Variants in ADAM12 observed in about 807,000 individuals in gnomAD.
The protein encoded by ADAM12 is ADAM metallopeptidase domain 12.
ADAM12 carries 70 observed loss-of-function variants against 106.4 expected under a neutral mutation model. The observed-to-expected ratio is 0.66, with a 90% confidence interval of 0.54 to 0.80. ADAM12 has a LOEUF of 0.80. Among genes scored for constraint, ADAM12 ranks in the 30% least tolerant of loss-of-function variants. The pLI is 0.00. For synonymous variants in ADAM12, 420 were observed against 433.5 expected, an observed-to-expected ratio of 0.97 and a Z score of 0.39; for missense variants, 1,010 against 1,171.9, an observed-to-expected ratio of 0.86 and a Z score of 2.02.
At chr10:126,330,297 A>AATGGAAGT (rs1209212950) in intron 2 of ADAM12, 115 bp downstream of exon 2, 6 of 877,310 alleles carry the variant, frequency 6.8e-6, no homozygotes, top group Non-Finnish European at 8.7e-6. Context: ...TTCTCTAAGG[A>AATGGAAGT]TAGAGTTAGC....
chr10:126,300,197 G>A (rs1960559798), intron 2 of ADAM12, among the ~76,000 whole-genome samples: 1 of 152,100 alleles, frequency 6.6e-6, no homozygotes, highest in South Asian at 2.1e-4. Context: ...CTGTCCTCTT[G>A]CCCTGGCCAA....
At chr10:126,295,537 A>ACACACACACATACACG (rs1221330442) in intron 2 of ADAM12, among the ~76,000 whole-genome samples, 5 of 148,762 alleles carry the variant, frequency 3.4e-5, no homozygotes, top group Non-Finnish European at 7.4e-5. Context: ...AAAAATACAC[A>ACACACACACATACACG]CACACACACA....
At chr10:126,165,102 C>T (rs1383795048) in intron 3 of ADAM12, among the ~76,000 whole-genome samples, 1 of 152,144 alleles carries the variant, frequency 6.6e-6, no homozygotes, top group Non-Finnish European at 1.5e-5. Context: ...ATGCCTTGCC[C>T]TCATCATCTT....
At chr10:126,372,945 G>A (rs1856160831) in intron 1 of ADAM12, among the ~76,000 whole-genome samples, 1 of 152,164 alleles carries the variant, frequency 6.6e-6, no homozygotes, top group Admixed American at 6.5e-5. Flanking sequence ...TATGCTCCAA[G>A]GAGCAGACTC....
chr10:126,356,554 C>T (rs1855549060), intron 1 of ADAM12, among the ~76,000 whole-genome samples: 1 of 152,126 alleles, frequency 6.6e-6, no homozygotes, highest in Non-Finnish European at 1.5e-5. Context: ...CCCAAATGCG[C>T]AAAAACCAGT....
chr10:126,126,118 C>G (rs1300546144), intron 5 of ADAM12, among the ~76,000 whole-genome samples: 1 of 152,168 alleles, frequency 6.6e-6, no homozygotes, highest in Non-Finnish European at 1.5e-5. Flanking sequence ...ATGAAACAGA[C>G]ACAGCCATAC....
intron 1 of ADAM12, among the ~76,000 whole-genome samples, chr10:126,385,043 C>G (rs747664714): frequency 5.3e-5 from 8 of 152,140 alleles, no homozygotes; most frequent in African/African-American, 1.9e-4. Context: ...GCTCACAGAA[C>G]CACAGAAAAC....
chr10:126,043,047 C>T lies in ADAM12; in HGVS notation c.2097G>A (p.Arg699=), dbSNP rs780184067. 1 of 1,614,102 alleles carries T rather than the reference C, an allele frequency of 6.2e-7. No homozygotes were observed. The highest frequency in any genetic ancestry group is 1.3e-5 in the African/African-American group (1 of 75,066). Residue 699 remains arginine (R), a synonymous_variant, in exon 18 of 23, where the codon CGG becomes CGA. Coordinates refer to ENST00000448723, the MANE Select transcript of ADAM12 (RefSeq NM_001288973.2). The surrounding 1 kb of genome is among the most constrained non-coding windows in gnomAD (Gnocchi z 4.1). ...TGCAGGGGCTTCACTGACCTGCTTG[C>T]CGGATGGGGCCGCTGTCTGTGCTTC... ...FGGSTDSGPI[R]QADNQGLTIG... is the part of the protein sequence containing the mutation.
chr10:126,214,803 T>C (rs1957958598), intron 3 of ADAM12, among the ~76,000 whole-genome samples: 1 of 152,228 alleles, frequency 6.6e-6, no homozygotes, highest in African/African-American at 2.4e-5. Context: ...CAGACCATTT[T>C]TGACTCTAGA....
chr10:126,080,401 G>T (rs1039533032), intron 11 of ADAM12, among the ~76,000 whole-genome samples: 12 of 152,172 alleles, frequency 7.9e-5, no homozygotes, highest in African/African-American at 2.7e-4. Context: ...GCTAACTGAA[G>T]TGACCTATAG....
chr10:126,208,686 C>A (rs1322757648), intron 3 of ADAM12, among the ~76,000 whole-genome samples: 1 of 152,132 alleles, frequency 6.6e-6, no homozygotes, highest in African/African-American at 2.4e-5. Flanking sequence ...TGGAAACTCA[C>A]AAGACAGGAA....
At chr10:126,295,548 T>C (rs78012942) in intron 2 of ADAM12, among the ~76,000 whole-genome samples, 56 of 146,628 alleles carry the variant, frequency 3.8e-4, no homozygotes, top group African/African-American at 1.3e-3. Context: ...CACACACACA[T>C]ACACACACAC....
chr10:126,241,292 A>T (rs1369535475), intron 3 of ADAM12, among the ~76,000 whole-genome samples: 1 of 152,210 alleles, frequency 6.6e-6, no homozygotes. Flanking sequence ...AATGTTCTGG[A>T]ATTAGATAGT....
In ADAM12 at chr10:126,064,041, G is replaced by T. The variant is rs1954812290; in HGVS notation, c.1609+765C>A. 6.6e-6 allele frequency among the ~76,000 whole-genome samples: 1 copy of T among 152,204 alleles called. No homozygotes were observed. Among genetic ancestry groups the T allele is most frequent in the Non-Finnish European group, 1.5e-5 (1 of 68,034 alleles). On this transcript the variant is annotated intron_variant, in intron 14 of 22. Transcript: ENST00000448723. This position sits in a 1 kb window ranked among gnomAD's most constrained non-coding sequence, Gnocchi z 4.4. Reference sequence around the variant, plus strand: ...TTCAAATCCTAGCCCGGAGACCTGGGGAAACTGACATTTGGTCTCAGAGTT... The same window carrying T: ...TTCAAATCCTAGCCCGGAGACCTGGTGAAACTGACATTTGGTCTCAGAGTT...
intron 4 of ADAM12, among the ~76,000 whole-genome samples, chr10:126,147,189 A>G (rs1045410789): frequency 6.6e-6 from 1 of 152,252 alleles, no homozygotes; most frequent in African/African-American, 2.4e-5. Flanking sequence ...CCAGTGAGAA[A>G]CATATACCAC....
At chr10:126,371,846 G>A (rs914280024) in intron 1 of ADAM12, among the ~76,000 whole-genome samples, 2 of 152,174 alleles carry the variant, frequency 1.3e-5, no homozygotes, top group East Asian at 3.9e-4. Context: ...GAAGCTGAAG[G>A]CTAGGAAAAT....
chr10:126,154,421 C>T (rs1395859827), intron 4 of ADAM12, among the ~76,000 whole-genome samples: 1 of 152,150 alleles, frequency 6.6e-6, no homozygotes, highest in African/African-American at 2.4e-5. Context: ...AAGTGTCAAA[C>T]AAGTGATAAA....
intron 3 of ADAM12, among the ~76,000 whole-genome samples, chr10:126,208,919 T>G (rs1025374624): frequency 1.3e-4 from 20 of 151,174 alleles, no homozygotes; most frequent in Non-Finnish European, 2.8e-4. Context: ...CCTATACAAA[T>G]TGAGCTTTTT....
At chr10:126,158,981 T>C (rs991335221) in intron 3 of ADAM12, among the ~76,000 whole-genome samples, 16 of 152,108 alleles carry the variant, frequency 1.1e-4, no homozygotes, top group Admixed American at 1.0e-3. Context: ...TATTCTCTAC[T>C]GAGCCAGAAC....
Sources: gnomAD v4.1 joint callset for allele counts (sites outside exome capture counted in the v4.1 genomes callset) on GRCh38, gnomAD v4.1.1 for gene constraint, Gnocchi (gnomAD v3.1) non-coding constraint, MANE v1.5 for transcripts, NCBI Gene and HGNC (gene_info 2026-07-23, HGNC 2026-07-21) for gene names.